CTNNA3: variants seen among roughly 807,000 people sequenced by gnomAD.
The protein encoded by CTNNA3 is catenin alpha-3.
In CTNNA3, 76 loss-of-function variants were observed where a neutral mutation model predicts 95.7. The ratio of observed to expected loss-of-function variants is 0.79; its 90% CI spans 0.66 to 0.96. CTNNA3 has a LOEUF of 0.96. CTNNA3 is among the 40% of genes least tolerant of loss of function. CTNNA3 has a pLI of 0.00. For synonymous variants in CTNNA3, 431 were observed against 374.4 expected (o/e 1.15, Z -1.74); for missense variants, 1,191 against 1,089.8 (o/e 1.09, Z -1.31).
At chr10:66,207,731 C>T (rs1396905396) in intron 13 of CTNNA3, among the ~76,000 whole-genome samples, 5 of 151,960 alleles carry the variant, frequency 3.3e-5, no homozygotes, top group Non-Finnish European at 5.9e-5. Context: ...ATAATAATCG[C>T]TTTCTAAATA....
chr10:66,808,303 A>C (rs564092934), intron 7 of CTNNA3, among the ~76,000 whole-genome samples: 7 of 152,276 alleles, frequency 4.6e-5, no homozygotes, highest in Admixed American at 2.6e-4. Context: ...ACCATTTAGC[A>C]AGTATGTCTT....
At chr10:66,524,164 A>G (rs964677971) in intron 10 of CTNNA3, among the ~76,000 whole-genome samples, 1 of 152,274 alleles carries the variant, frequency 6.6e-6, no homozygotes, top group Non-Finnish European at 1.5e-5. Context: ...ATCCATGGAA[A>G]TATCACCACA....
At chr10:67,350,565 T>TAA (rs11338454) in intron 5 of CTNNA3, among the ~76,000 whole-genome samples, 43 of 125,082 alleles carry the variant, frequency 3.4e-4, no homozygotes, top group African/African-American at 1.1e-3. Context: ...AAATGGTTAG[T>TAA]AAAAAAAAAA....
At chr10:65,993,631 G>T (rs747242983) in intron 15 of CTNNA3, among the ~76,000 whole-genome samples, 1 of 152,076 alleles carries the variant, frequency 6.6e-6, no homozygotes, top group Non-Finnish European at 1.5e-5. Flanking sequence ...CATTCTATAT[G>T]TCTTTACAAG....
chr10:66,119,741 A>C (rs2133811862), intron 13 of CTNNA3, among the ~76,000 whole-genome samples: 1 of 143,606 alleles, frequency 7.0e-6, no homozygotes, highest in African/African-American at 2.4e-5. Flanking sequence ...TCATGTATTC[A>C]ATCAATTTTT....
rs1845018114 is a variant in CTNNA3, at chr10:66,628,481, T to TTGGAAACATTGTAAAA, written c.1282-6698_1282-6697insTTTTACAATGTTTCCA. Among the ~76,000 whole-genome samples, 4 of 152,160 alleles carry TTGGAAACATTGTAAAA rather than the reference T, an allele frequency of 2.6e-5. No homozygotes were observed. The South Asian group carries it at 8.3e-4, about 31-fold the overall frequency. On this transcript the variant is annotated intron_variant, in intron 9 of 17. Transcript: ENST00000433211. Reference sequence around the variant, plus strand: ...GTGGATTTCAGTCTGACTGTGTATATTCATTGGAAACATCAAGATTAGACA... The same window carrying TTGGAAACATTGTAAAA: ...GTGGATTTCAGTCTGACTGTGTATATTGGAAACATTGTAAAATCATTGGAAACATCAAGATTAGACA...
At chr10:67,226,294 C>T (rs1321643310) in intron 5 of CTNNA3, among the ~76,000 whole-genome samples, 1 of 152,232 alleles carries the variant, frequency 6.6e-6, no homozygotes, top group East Asian at 1.9e-4. Flanking sequence ...CCTTGGAAAA[C>T]ATATTTAGGG....
At chr10:66,110,696 A>G (rs986896440) in intron 13 of CTNNA3, among the ~76,000 whole-genome samples, 4 of 152,196 alleles carry the variant, frequency 2.6e-5, no homozygotes, top group Non-Finnish European at 4.4e-5. Flanking sequence ...AGTTTGCTTG[A>G]TTATATAATC....
rs181354366 is a variant in CTNNA3, at chr10:66,712,794, A to G, written c.1281+53470T>C. ...TTTACATTTCCTCTGATACAAATAG[A>G]AAAGACGTCTCACATTCAGCTACCT... is the stretch of plus-strand genomic sequence containing the variant. On this transcript the variant is annotated intron_variant, in intron 9 of 17. Transcript: ENST00000433211. 7.2e-4 allele frequency among the ~76,000 whole-genome samples: 109 copies of G among 152,290 alleles called. 1 individual carries two copies. The highest frequency in any genetic ancestry group is 9.6e-4 in the East Asian group (5 of 5,186).
chr10:66,552,287 TC>T (rs1842244316), intron 10 of CTNNA3, among the ~76,000 whole-genome samples: 2 of 152,062 alleles, frequency 1.3e-5, no homozygotes, highest in Non-Finnish European at 2.9e-5. Context: ...TCTTTTTGGT[TC>T]TCTAGACAGA....
chr10:66,382,387 T>G (rs1488446338), intron 11 of CTNNA3, among the ~76,000 whole-genome samples: 2 of 152,166 alleles, frequency 1.3e-5, no homozygotes, highest in African/African-American at 2.4e-5. Flanking sequence ...AAGGGGAATC[T>G]GCCATTGCTG....
At chr10:66,664,702 C>T (rs1846380380) in intron 9 of CTNNA3, among the ~76,000 whole-genome samples, 1 of 121,532 alleles carries the variant, frequency 8.2e-6, no homozygotes, top group Non-Finnish European at 1.7e-5. Context: ...AGCCCAGAAG[C>T]TGATGTTGCT....
intron 7 of CTNNA3, among the ~76,000 whole-genome samples, chr10:67,151,281 G>A (rs76517491): frequency 0.067 from 10,086 of 151,568 alleles, 404 homozygotes; most frequent in South Asian, 0.2. Flanking sequence ...TCTGTATGTA[G>A]AACCACGAGA....
intron 7 of CTNNA3, among the ~76,000 whole-genome samples, chr10:67,117,289 G>A (rs915572889): frequency 6.6e-6 from 1 of 151,760 alleles, no homozygotes; most frequent in African/African-American, 2.4e-5. Context: ...TACTCCATAA[G>A]TATGATTTAA....
At chr10:66,890,909 G>T (rs1361940138) in intron 7 of CTNNA3, among the ~76,000 whole-genome samples, 1 of 152,080 alleles carries the variant, frequency 6.6e-6, no homozygotes, top group African/African-American at 2.4e-5. Flanking sequence ...GAGAGAAGGA[G>T]CAGGGGCAGG....
intron 11 of CTNNA3, among the ~76,000 whole-genome samples, chr10:66,513,558 C>T (rs1310062522): frequency 6.6e-6 from 1 of 152,162 alleles, no homozygotes; most frequent in Non-Finnish European, 1.5e-5. Context: ...CACAAAGGTA[C>T]ATAGTGGCCC....
intron 13 of CTNNA3, among the ~76,000 whole-genome samples, chr10:66,166,492 C>T (rs1186989523): frequency 5.2e-5 from 5 of 96,214 alleles, no homozygotes; most frequent in Admixed American, 1.2e-4. Context: ...GAGTGACAGT[C>T]TGTCTCAAAA....
intron 11 of CTNNA3, among the ~76,000 whole-genome samples, chr10:66,518,457 T>A (rs117405369): frequency 0.024 from 3,614 of 152,216 alleles, 91 homozygotes; most frequent in East Asian, 0.064. Flanking sequence ...AACCTACTAT[T>A]CAACAGTCAA....
rs1200265556 is a variant in CTNNA3 at position 67,743,078 on chromosome 10, C to G, written c.-2+20356G>C. ...AGCCGAATTCTACCAGAGGTACAAA[C>G]AGGAGCTGGTACCATTCCTTCTGAA... On this transcript the variant is annotated intron_variant, in intron 1 of 17. Transcript: ENST00000684154. Among the ~76,000 whole-genome samples the G allele has an allele frequency of 5.5e-4, 83 of 151,118 alleles. 3 individuals carry two copies. Among genetic ancestry groups the G allele is most frequent in the South Asian group, 2.1e-4 (1 of 4,694 alleles).
Sources: gnomAD v4.1 joint callset for allele counts (sites outside exome capture counted in the v4.1 genomes callset) on GRCh38, gnomAD v4.1.1 for gene constraint, MANE v1.5 for transcripts, NCBI Gene and HGNC (gene_info 2026-07-23, HGNC 2026-07-21) for gene names.